Variants in GASK1B observed in about 807,000 individuals in gnomAD.
The protein encoded by GASK1B is golgi associated kinase 1B, also known as Golgi-associated kinase 1B.
GASK1B carries 34 observed loss-of-function variants against 42.8 expected under a neutral mutation model. That is an observed-to-expected ratio of 0.79 (90% confidence interval 0.60 to 1.06). GASK1B has a LOEUF of 1.06. Ranked by LOEUF, GASK1B falls within the 50% of genes least tolerant of loss-of-function variation. The pLI is 0.00. For missense variants in GASK1B, 686 were observed against 661.0 expected (o/e 1.04, Z -0.42); for synonymous variants, 262 against 259.1 (o/e 1.01, Z -0.11).
chr4:158,132,842 A>C (rs911335584), intron 3 of GASK1B, among the ~76,000 whole-genome samples: 6 of 152,218 alleles, frequency 3.9e-5, no homozygotes, highest in Non-Finnish European at 7.3e-5. Context: ...CCCATAGTTC[A>C]TCCAAAAAGT....
intron 3 of GASK1B, among the ~76,000 whole-genome samples, chr4:158,137,148 T>C (rs1287636324): frequency 1.3e-5 from 2 of 152,238 alleles, no homozygotes; most frequent in Admixed American, 1.3e-4. Context: ...AGTTTCTTTA[T>C]GTGGGTTTAA....
At chr4:158,163,394 C>T (rs541643511) in intron 2 of GASK1B, among the ~76,000 whole-genome samples, 1 of 152,164 alleles carries the variant, frequency 6.6e-6, no homozygotes, top group African/African-American at 2.4e-5. Flanking sequence ...CATGGTGAAA[C>T]CCTGTCTCTA....
intron 3 of GASK1B, among the ~76,000 whole-genome samples, chr4:158,145,187 T>A (rs555030369): frequency 4.1e-4 from 63 of 152,338 alleles, no homozygotes; most frequent in Admixed American, 4.1e-3. Context: ...GGAATTTTTA[T>A]TCTTACTTTT....
chr4:158,148,913 G>A (rs912363815), intron 3 of GASK1B, among the ~76,000 whole-genome samples: 10 of 152,202 alleles, frequency 6.6e-5, no homozygotes, highest in Non-Finnish European at 5.9e-5. Context: ...TGTATGAATA[G>A]TAGAAAGTTA....
chr4:158,139,637 T>G (rs1306502724), intron 3 of GASK1B, among the ~76,000 whole-genome samples: 3 of 152,184 alleles, frequency 2.0e-5, no homozygotes, highest in Non-Finnish European at 4.4e-5. Flanking sequence ...ATTTACCATA[T>G]TAAATGAAAA....
intron 3 of GASK1B, among the ~76,000 whole-genome samples, chr4:158,133,515 A>G (rs941259454): frequency 1.3e-5 from 2 of 152,206 alleles, no homozygotes; most frequent in Non-Finnish European, 2.9e-5. Context: ...AACCATGAAT[A>G]TCATATATTT....
chr4:158,145,151 C>T (rs575624534), intron 3 of GASK1B, among the ~76,000 whole-genome samples: 7 of 152,246 alleles, frequency 4.6e-5, no homozygotes, highest in South Asian at 2.1e-4. Context: ...GTAATAAGTT[C>T]CCTCTTGTTT....
chr4:158,137,952 C>T (rs538961425), intron 3 of GASK1B, among the ~76,000 whole-genome samples: 2 of 152,112 alleles, frequency 1.3e-5, no homozygotes, highest in African/African-American at 4.8e-5. Context: ...CTGTAAAGAG[C>T]ATTCATTGCT....
chr4:158,151,507 C>G (rs148829450), intron 3 of GASK1B, among the ~76,000 whole-genome samples: 1 of 152,134 alleles, frequency 6.6e-6, no homozygotes, highest in Non-Finnish European at 1.5e-5. Context: ...ATTCCTCATA[C>G]CTCAATAAAT....
chr4:158,168,280 C>A (rs910224284), intron 2 of GASK1B: 4 of 152,092 alleles, frequency 2.6e-5, no homozygotes, highest in Admixed American at 6.5e-5. Flanking sequence ...AGATCATAAA[C>A]CCCGCCTTCA....
intron 3 of GASK1B, among the ~76,000 whole-genome samples, chr4:158,140,167 C>G (rs921238151): frequency 6.6e-6 from 1 of 152,136 alleles, no homozygotes; most frequent in Admixed American, 6.5e-5. Flanking sequence ...AAGTGAAAAA[C>G]CAAAGGTCTC....
chr4:158,125,579 A>G lies in GASK1B; in HGVS notation c.*1828T>C, dbSNP rs552747891. The G allele has an allele frequency of 6.6e-6, 1 of 152,286 alleles. No individual in the cohort carries two copies. Among genetic ancestry groups the G allele is most frequent in the Admixed American group, 6.5e-5 (1 of 15,278 alleles). The allele number at this position is 152,286 out of a possible 1,614,324, so 9.4% of individuals were successfully genotyped here. On this transcript the variant is annotated 3_prime_UTR_variant, in exon 5 of 5. Coordinates refer to ENST00000585682, the MANE Select transcript of GASK1B (RefSeq NM_001128424.2). ...CATTAAGAGGATGATTTATAAGAGAAGAAAAGGATCTTAAAAATCCCAGAG... is the reference window on the plus strand; with the variant it reads ...CATTAAGAGGATGATTTATAAGAGAGGAAAAGGATCTTAAAAATCCCAGAG...
intron 3 of GASK1B, among the ~76,000 whole-genome samples, chr4:158,135,960 G>A (rs1232106585): frequency 6.6e-6 from 1 of 151,916 alleles, no homozygotes; most frequent in African/African-American, 2.4e-5. Flanking sequence ...CTATTGTTTT[G>A]TTTAAAAAAA....
intron 3 of GASK1B, among the ~76,000 whole-genome samples, chr4:158,142,408 C>T (rs1731172454): frequency 6.6e-6 from 1 of 152,184 alleles, no homozygotes; most frequent in Non-Finnish European, 1.5e-5. Context: ...CTACAACACA[C>T]ACACACCTTA....
Position 158,155,657 on chromosome 4 carries a change from T to G in GASK1B, c.1079A>C (p.His360Pro), listed in dbSNP as rs778142375. 4 of 1,613,876 alleles carry G rather than the reference T, an allele frequency of 2.5e-6. No homozygotes were observed. Among genetic ancestry groups the G allele is most frequent in the Non-Finnish European group, 3.4e-6 (4 of 1,179,786 alleles). Residue 360 changes from histidine to proline, a missense_variant, in exon 3 of 5, where the codon CAT (histidine) becomes CCT (proline). By Grantham distance (77) the His-to-Pro change is moderately conservative. Transcript: ENST00000585682. ...TGCCATCTTGGACCACTCATGATGATGTATTTCAGTACAACCCGATTCAGG... is the reference window on the plus strand; with the variant it reads ...TGCCATCTTGGACCACTCATGATGAGGTATTTCAGTACAACCCGATTCAGG... ...PKPESGCTEI[H>P]HHEWSKMALF...
intron 3 of GASK1B, among the ~76,000 whole-genome samples, chr4:158,153,387 T>C (rs1332406437): frequency 6.6e-6 from 1 of 151,896 alleles, no homozygotes; most frequent in Non-Finnish European, 1.5e-5. Context: ...CCAATGTGAG[T>C]TTGGATGGGT....
At chr4:158,167,176 C>T (rs973558087) in intron 2 of GASK1B, 19 of 152,196 alleles carry the variant, frequency 1.2e-4, no homozygotes, top group Admixed American at 1.2e-3. Flanking sequence ...AGATTACTTA[C>T]AGGCTTTGCT....
intron 2 of GASK1B, among the ~76,000 whole-genome samples, chr4:158,156,117 C>T (rs1179638694): frequency 1.3e-5 from 2 of 152,088 alleles, no homozygotes; most frequent in Admixed American, 6.6e-5. Context: ...TAACAACGTC[C>T]TATGGTTAAT....
At chr4:158,156,690 C>T (rs1309733650) in intron 2 of GASK1B, among the ~76,000 whole-genome samples, 3 of 152,094 alleles carry the variant, frequency 2.0e-5, no homozygotes, top group Non-Finnish European at 4.4e-5. Flanking sequence ...ATTCCCAAGC[C>T]CCCATTTCTG....
Sources: allele counts gnomAD v4.1 joint callset (sites outside exome capture counted in the v4.1 genomes callset), GRCh38; gene constraint gnomAD v4.1.1; transcripts MANE v1.5; gene names NCBI Gene and HGNC (gene_info 2026-07-23, HGNC 2026-07-21).